Variants in NCOR2 observed in about 807,000 individuals in gnomAD.
NCOR2 encodes CTG repeat protein 26.
Under a neutral mutation model 262.9 loss-of-function variants are expected in NCOR2, and 81 were observed. The ratio of observed to expected loss-of-function variants is 0.31; its 90% CI spans 0.26 to 0.37. NCOR2 has a LOEUF of 0.37. Among genes scored for constraint, NCOR2 ranks in the 10% least tolerant of loss-of-function variants. The pLI, the probability that NCOR2 is intolerant of heterozygous loss-of-function variation, is 1.00. For missense variants in NCOR2, 3,385 were observed against 3,621.4 expected (o/e 0.93, Z 1.68); for synonymous variants, 1,659 against 1,559.3 (o/e 1.06, Z -1.51).
At chr12:124,342,432 C>A (rs939491905) in intron 33 of NCOR2, among the ~76,000 whole-genome samples, 4 of 152,018 alleles carry the variant, frequency 2.6e-5, no homozygotes, top group African/African-American at 9.7e-5. Flanking sequence ...TGCAGTGGCG[C>A]GATCTTGGCT....
chr12:124,526,400 C>T (rs1224690657), intron 1 of NCOR2, among the ~76,000 whole-genome samples: 3 of 151,646 alleles, frequency 2.0e-5, no homozygotes, highest in Non-Finnish European at 4.4e-5. Flanking sequence ...GGTGTTCCCT[C>T]CCTGGGCCCC....
chr12:124,509,122 C>T (rs2049227800), intron 1 of NCOR2, among the ~76,000 whole-genome samples: 1 of 152,010 alleles, frequency 6.6e-6, no homozygotes, highest in East Asian at 1.9e-4. Flanking sequence ...CCCGGCCCCA[C>T]TCCGTGCATG....
intron 13 of NCOR2, among the ~76,000 whole-genome samples, chr12:124,409,384 C>T (rs2042444329): frequency 6.6e-6 from 1 of 152,226 alleles, no homozygotes; most frequent in African/African-American, 2.4e-5. Flanking sequence ...GGGTGCTCCC[C>T]CGACTTCTGC....
chr12:124,410,186 G>A (rs959096201), intron 13 of NCOR2, among the ~76,000 whole-genome samples: 3 of 148,322 alleles, frequency 2.0e-5, no homozygotes, highest in South Asian at 2.4e-4. Context: ...ATGTCCCCCA[G>A]GCCCCCTCGA....
In NCOR2 at chr12:124,523,270, T is replaced by C. The variant is rs1009646892; in HGVS notation, c.-118+12295A>G. 4.6e-5 allele frequency among the ~76,000 whole-genome samples: 7 copies of C among 152,052 alleles called. No individual in the cohort carries two copies. The highest frequency in any genetic ancestry group is 7.3e-5 in the African/African-American group (3 of 41,376). ...AGACTCACTTCCAACTGCAGCACCA[T>C]CCGGCACGCCAGAATACCATGGGCA... On this transcript the variant is annotated intron_variant, in intron 1 of 46. Transcript: ENST00000404621. The surrounding 1 kb of genome is among the most constrained non-coding windows in gnomAD (Gnocchi z 4.0).
chr12:124,371,645 A>G lies in NCOR2; in HGVS notation c.2807+377T>C, dbSNP rs777598079. On this transcript the variant is annotated intron_variant, in intron 20 of 46. Coordinates refer to ENST00000405201, the Ensembl canonical transcript of NCOR2. ...GCTCGGAGGCTGCGTCTCGGCCTGC[A>G]TGGTGCCCCCAGGCTCCTGGCCTCC... Among the ~76,000 whole-genome samples, 3 of 152,292 alleles carry G rather than the reference A, an allele frequency of 2.0e-5. No individual in the cohort carries two copies. In the Middle Eastern group the frequency reaches 0.01, roughly 518 times the overall value.
upstream of NCOR2, among the ~76,000 whole-genome samples, chr12:124,500,241 G>C (rs183570653): frequency 2.0e-5 from 3 of 152,152 alleles, no homozygotes; most frequent in Non-Finnish European, 4.4e-5. Context: ...CAGGGCCCCT[G>C]CTGGCCCCTG....
chr12:124,356,830 C>T lies in NCOR2; in HGVS notation c.3101-48G>A, dbSNP rs768290403. 3 of 1,431,166 alleles carry T rather than the reference C, an allele frequency of 2.1e-6. No homozygotes were observed. The Admixed American group carries it at 1.1e-4, about 54-fold the overall frequency. 88.7% of individuals were successfully genotyped at this position (1,431,166 alleles called of 1,614,324 possible). ...TGCTGAGGGCAGGAGGTGGGGCAGT[C>T]AGACCTCGGGAGCCCTGGCTGACCC... On this transcript the variant is annotated intron_variant, in intron 22 of 46. Coordinates refer to ENST00000405201, the Ensembl canonical transcript of NCOR2.
chr12:124,552,183 T>C (rs960494929), intron 1 of NCOR2, among the ~76,000 whole-genome samples: 1 of 151,858 alleles, frequency 6.6e-6, no homozygotes, highest in African/African-American at 2.4e-5. Context: ...TGGCAGAGCA[T>C]GGTGACATGT....
Position 124,440,915 on chromosome 12 carries a change from ACT to A in NCOR2, c.816-2921_816-2920del, listed in dbSNP as rs1297059053. On this transcript the variant is annotated intron_variant, in intron 7 of 46. Transcript: ENST00000405201. The surrounding 1 kb of genome is among the most constrained non-coding windows in gnomAD (Gnocchi z 5.7). ...AGGGCACCGCAGGAGACAGGAACAA[ACT>A]CTGTGTATCGGAAGCACAGACAGAG... Among the ~76,000 whole-genome samples, 8 of 151,936 alleles carry A rather than the reference ACT, an allele frequency of 5.3e-5. No homozygotes were observed. Among genetic ancestry groups the A allele is most frequent in the Admixed American group, 2.0e-4 (3 of 15,274 alleles).
chr12:124,362,290 G>T (rs1593219360), exon 22 of NCOR2: 1 of 1,317,288 alleles, frequency 7.6e-7, no homozygotes, highest in Non-Finnish European at 9.7e-7. Context: ...ATGGACTTTG[G>T]TGACCTGCTG....
exon 15 of NCOR2, chr12:124,400,631 C>G: frequency 6.2e-7 from 1 of 1,614,222 alleles, no homozygotes. Flanking sequence ...CCACAGCCTC[C>G]TTCTCGTCGT....
chr12:124,355,627 G>GAC, intron 23 of NCOR2, 56 bp from the exon 26 acceptor site: 2 of 1,492,642 alleles, frequency 1.3e-6, no homozygotes, highest in Non-Finnish European at 1.8e-6. Flanking sequence ...GTCCCTGCCG[G>GAC]ACACACACTC....
chr12:124,478,309 T>A (rs1007063543), intron 3 of NCOR2, among the ~76,000 whole-genome samples: 2 of 152,230 alleles, frequency 1.3e-5, no homozygotes, highest in African/African-American at 4.8e-5. Flanking sequence ...AATTCATGTT[T>A]ATATTTGATA....
chr12:124,466,167 A>G lies in NCOR2; in HGVS notation c.705+6T>C, dbSNP rs200950104. On this transcript the variant is annotated splice_donor_region_variant and intron_variant, in intron 5 of 46. Transcript: ENST00000405201. Reference sequence around the variant, plus strand: ...GGGGGCAGCAGGCCAGGGCGGGGACACATACCCGGTTCTCGTCGTAGATGA... The same window carrying G: ...GGGGGCAGCAGGCCAGGGCGGGGACGCATACCCGGTTCTCGTCGTAGATGA... 2.4e-4 allele frequency: 384 copies of G among 1,606,304 alleles called. 2 individuals carry two copies. In the South Asian group the frequency reaches 3.1e-3, roughly 13 times the overall value.
At chr12:124,340,827 C>T in intron 34 of NCOR2, 76 bp from the exon 37 acceptor site, 6 of 1,364,520 alleles carry the variant, frequency 4.4e-6, no homozygotes, top group Non-Finnish European at 4.8e-6. Context: ...AGATCACCCT[C>T]CTGGAGAGCA....
chr12:124,397,048 G>C (rs906145042), intron 16 of NCOR2, among the ~76,000 whole-genome samples: 5 of 152,190 alleles, frequency 3.3e-5, no homozygotes, highest in African/African-American at 1.2e-4. Context: ...ACCAGCTCCG[G>C]AACCCGTGGC....
At chr12:124,430,516 T>C in intron 9 of NCOR2, 99 bp downstream of exon 11, 1 of 1,431,762 alleles carries the variant, frequency 7.0e-7, no homozygotes, top group African/African-American at 1.4e-5. Flanking sequence ...GAAGCTGCTG[T>C]GCTGTTCTGT....
chr12:124,438,008 G>T lies in NCOR2; in HGVS notation c.816-12C>A. 1.2e-6 allele frequency: 2 copies of T among 1,605,770 alleles called. No homozygotes were observed. The highest frequency in any genetic ancestry group is 1.1e-5 in the South Asian group (1 of 89,604). ...GCATCGCCTGGTTTCTGTGCAGGAG[G>T]GAAGCGGCAGACAGGTCAGCCCGGC... On this transcript the variant is annotated splice_polypyrimidine_tract_variant and intron_variant, in intron 7 of 46. Transcript: ENST00000405201.
Sources: allele counts gnomAD v4.1 joint callset (sites outside exome capture counted in the v4.1 genomes callset), GRCh38; gene constraint gnomAD v4.1.1; non-coding constraint Gnocchi (gnomAD v3.1); transcripts MANE v1.5; gene names NCBI Gene and HGNC (gene_info 2026-07-23, HGNC 2026-07-21).